RARB: variants seen among roughly 807,000 people sequenced by gnomAD.
RARB encodes HBV-activated protein.
Under a neutral mutation model 51.9 loss-of-function variants are expected in RARB, and 17 were observed. The ratio of observed to expected loss-of-function variants is 0.33; its 90% CI spans 0.22 to 0.49. RARB has a LOEUF of 0.49. RARB is among the 20% of genes least tolerant of loss of function. The probability of loss-of-function intolerance (pLI) is 0.99; values close to 1 mark genes in which losing one functional copy is unlikely to be tolerated. For missense variants in RARB, 369 were observed against 550.8 expected (o/e 0.67, Z 3.30); for synonymous variants, 215 against 195.4 (o/e 1.10, Z -0.84).
At chr3:25,352,580 T>A (rs145457369) in intron 5 of RARB, among the ~76,000 whole-genome samples, 4 of 152,222 alleles carry the variant, frequency 2.6e-5, no homozygotes, top group Admixed American at 2.6e-4. Flanking sequence ...AAACTTAATG[T>A]TTTTCTTGTC....
chr3:25,516,629 G>GTTTTTTTTTTTTTTTTT (rs1559446380), intron 3 of RARB, among the ~76,000 whole-genome samples: 12 of 122,608 alleles, frequency 9.8e-5, no homozygotes, highest in African/African-American at 5.2e-4. Flanking sequence ...TTATTTCCTT[G>GTTTTTTTTTTTTTTTTT]TCTTTTTTTT....
intron 5 of RARB, among the ~76,000 whole-genome samples, chr3:25,333,746 C>A (rs1244097872): frequency 6.6e-6 from 1 of 152,184 alleles, no homozygotes; most frequent in Non-Finnish European, 1.5e-5. Context: ...AGGCAACCTA[C>A]AGAATGGGAG....
At chr3:25,239,765 G>T (rs188239301) in intron 5 of RARB, among the ~76,000 whole-genome samples, 120 of 152,024 alleles carry the variant, frequency 7.9e-4, no homozygotes, top group Non-Finnish European at 2.5e-4. Flanking sequence ...TTGTGTTCAG[G>T]GTTGCTTTGG....
intron 2 of RARB, among the ~76,000 whole-genome samples, chr3:25,464,732 A>C (rs2125559842): frequency 6.6e-6 from 1 of 152,316 alleles, no homozygotes; most frequent in East Asian, 1.9e-4. Context: ...GTATAAAAAT[A>C]GAAAATTAAA....
intron 2 of RARB, among the ~76,000 whole-genome samples, chr3:24,915,434 A>T (rs79164323): frequency 1.3e-5 from 2 of 152,208 alleles, no homozygotes; most frequent in African/African-American, 4.8e-5. Context: ...GTATATCTCA[A>T]TTCTGAGGAG....
chr3:25,540,411 A>G (rs986307058), intron 3 of RARB, among the ~76,000 whole-genome samples: 1 of 152,202 alleles, frequency 6.6e-6, no homozygotes, highest in Admixed American at 6.5e-5. Flanking sequence ...TACCCAATTA[A>G]CTAATTCCCA....
chr3:25,141,129 C>A (rs1181626297), intron 4 of RARB, among the ~76,000 whole-genome samples: 1 of 151,958 alleles, frequency 6.6e-6, no homozygotes, highest in East Asian at 1.9e-4. Flanking sequence ...AAAAATGTGT[C>A]TCTTTTGTCA....
rs113537017 is a variant in RARB, at chr3:25,391,055, C to G, written c.179-70138C>G. 4.4e-3 allele frequency among the ~76,000 whole-genome samples: 664 copies of G among 152,268 alleles called. 8 individuals are homozygous for G. The highest frequency in any genetic ancestry group is 0.015 in the African/African-American group (631 of 41,566). The stretch of plus-strand genomic sequence containing the variant: ...TCTTTCATCCCTCACACGCCCCAAC[C>G]TTTCCCCCAGGTCCCCAAAGTTTAT... On this transcript the variant is annotated intron_variant, in intron 5 of 11. Coordinates refer to the RARB transcript ENST00000383772.
chr3:25,116,643 A>G (rs540246690), intron 3 of RARB, among the ~76,000 whole-genome samples: 10 of 152,066 alleles, frequency 6.6e-5, no homozygotes, highest in East Asian at 3.9e-4. Flanking sequence ...TACACTGGCT[A>G]TGCAAGAGGA....
chr3:25,095,425 C>T (rs1699276446), intron 3 of RARB, among the ~76,000 whole-genome samples: 1 of 152,158 alleles, frequency 6.6e-6, no homozygotes, highest in Non-Finnish European at 1.5e-5. Context: ...GAAACAGATA[C>T]TCTGGAGGGT....
At chr3:24,977,316 A>C (rs1015589198) in intron 2 of RARB, among the ~76,000 whole-genome samples, 2 of 152,210 alleles carry the variant, frequency 1.3e-5, no homozygotes, top group African/African-American at 2.4e-5. Flanking sequence ...TGGTAGCTTG[A>C]TGGGGATAGG....
intron 2 of RARB, among the ~76,000 whole-genome samples, chr3:25,003,570 A>G (rs1041595532): frequency 2.0e-5 from 3 of 152,158 alleles, no homozygotes; most frequent in African/African-American, 7.2e-5. Flanking sequence ...TGGCCTTACT[A>G]ATATGTCCAA....
At chr3:25,008,540 A>C (rs1004672474) in intron 2 of RARB, among the ~76,000 whole-genome samples, 2 of 152,124 alleles carry the variant, frequency 1.3e-5, no homozygotes, top group African/African-American at 4.8e-5. Flanking sequence ...GAATGCCTTG[A>C]CAGGGAAATT....
chr3:24,921,362 G>T (rs1232414343), intron 2 of RARB, among the ~76,000 whole-genome samples: 1 of 152,138 alleles, frequency 6.6e-6, no homozygotes. Flanking sequence ...GGAGTGACTA[G>T]AAGAAAGCAC....
intron 1 of RARB, among the ~76,000 whole-genome samples, chr3:25,435,711 A>G (rs1708405382): frequency 6.6e-6 from 1 of 152,216 alleles, no homozygotes; most frequent in Admixed American, 6.5e-5. Flanking sequence ...AAGCTGTATA[A>G]AAAGGCATAT....
intron 2 of RARB, among the ~76,000 whole-genome samples, chr3:24,916,444 G>C (rs1465350622): frequency 6.6e-6 from 1 of 152,070 alleles, no homozygotes; most frequent in African/African-American, 2.4e-5. Context: ...TGCTTCTAAG[G>C]AGAAGGTCCT....
intron 2 of RARB, among the ~76,000 whole-genome samples, chr3:24,952,009 C>G (rs1196343307): frequency 1.3e-5 from 2 of 152,182 alleles, no homozygotes; most frequent in Non-Finnish European, 2.9e-5. Context: ...GTGATTATTG[C>G]AATCTTTTAC....
At chr3:25,354,895 T>C (rs200196848) in intron 5 of RARB, among the ~76,000 whole-genome samples, 6 of 132,790 alleles carry the variant, frequency 4.5e-5, no homozygotes, top group African/African-American at 1.1e-4. Flanking sequence ...TTTTTTTTTT[T>C]CTTTTCCTTT....
chr3:24,846,716 C>T (rs977068700), intron 1 of RARB, among the ~76,000 whole-genome samples: 2 of 152,104 alleles, frequency 1.3e-5, no homozygotes, highest in Non-Finnish European at 2.9e-5. Context: ...CTGGAGAGAA[C>T]AGAAGACCTT....
Sources: allele counts gnomAD v4.1 joint callset (sites outside exome capture counted in the v4.1 genomes callset), GRCh38; gene constraint gnomAD v4.1.1; transcripts MANE v1.5; gene names NCBI Gene and HGNC (gene_info 2026-07-23, HGNC 2026-07-21).